CASK: variants seen among roughly 807,000 people sequenced by gnomAD.
CASK encodes peripheral plasma membrane protein CASK.
In CASK, 4 loss-of-function variants were observed where a neutral mutation model predicts 82.9. The observed-to-expected ratio is 0.05, with a 90% CI of 0.02 to 0.11. The LOEUF (loss-of-function observed/expected upper bound fraction) is 0.11, where lower values mean the gene tolerates loss of function less well. CASK is among the 10% of genes least tolerant of loss of function. The pLI is 1.00. For synonymous variants in CASK, 259 were observed against 253.5 expected, an observed-to-expected ratio of 1.02 and a Z score of -0.20; for missense variants, 358 against 720.9, an observed-to-expected ratio of 0.50 and a Z score of 5.76.
intron 2 of CASK, among the ~76,000 whole-genome samples, chrX:41,823,925 A>C (rs185803142): frequency 8.9e-6 from 1 of 111,990 alleles, no homozygotes; most frequent in African/African-American, 3.2e-5. Flanking sequence ...CAAAACGATG[A>C]AGATTTTCAA....
At chrX:41,522,134 CCT>C (rs746237400) in intron 26 of CASK, 2 of 111,699 alleles carry the variant, frequency 1.8e-5, no homozygotes, top group African/African-American at 3.3e-5. Flanking sequence ...CTCTAAAGCC[CCT>C]CTGTTATTGG....
At chrX:41,646,687 A>C (rs1246208302) in intron 8 of CASK, among the ~76,000 whole-genome samples, 1 of 111,532 alleles carries the variant, frequency 9.0e-6, no homozygotes, top group Admixed American at 9.6e-5. Flanking sequence ...TGCTTTACTT[A>C]CCTCCAACCT....
At chrX:41,808,711 T>C (rs769846020) in intron 2 of CASK, among the ~76,000 whole-genome samples, 1 of 112,089 alleles carries the variant, frequency 8.9e-6, no homozygotes, top group South Asian at 3.8e-4. Context: ...CTGGGGCTTG[T>C]CGGACAGTGG....
intron 2 of CASK, among the ~76,000 whole-genome samples, chrX:41,828,077 A>G (rs760174548): frequency 9.0e-6 from 1 of 111,590 alleles, no homozygotes; most frequent in Non-Finnish European, 1.9e-5. Flanking sequence ...CCATGAGGAC[A>G]GTATCATTCT....
chrX:41,553,991 C>T, intron 20 of CASK, 76 bp from the exon 21 acceptor site: 1 of 713,385 alleles, frequency 1.4e-6, no homozygotes, highest in East Asian at 3.3e-5. Context: ...CATAACCACA[C>T]ACCAACAGTT....
At chrX:41,704,959 T>C (rs1271312066) in intron 5 of CASK, among the ~76,000 whole-genome samples, 3 of 111,683 alleles carry the variant, frequency 2.7e-5, no homozygotes, top group African/African-American at 9.8e-5. Flanking sequence ...ACATGCAATA[T>C]ATGGTATCTA....
intron 14 of CASK, chrX:41,585,212 A>G (rs2065638972): frequency 1.8e-5 from 2 of 112,989 alleles, no homozygotes; most frequent in African/African-American, 6.4e-5. Flanking sequence ...GTGTTTATAC[A>G]CCTAGGTTGT....
rs940830809 is a variant in CASK, at chrX:41,839,885, T to C, written c.172+13230A>G. ...CTTTGTCAAAGATCTATTGACAATA[T>C]TTGTGTGGATCTACTTCTAGGGTCT... On this transcript the variant is annotated intron_variant, in intron 2 of 26. Coordinates refer to ENST00000378163, the MANE Select transcript of CASK (RefSeq NM_001367721.1). Among the ~76,000 whole-genome samples, 12 of 111,939 alleles carry C rather than the reference T, an allele frequency of 1.1e-4. No individual in the cohort carries two copies. The Admixed American group carries it at 1.1e-3, about 11-fold the overall frequency.
chrX:41,605,870 G>C (rs1339492626), intron 12 of CASK, among the ~76,000 whole-genome samples: 1 of 110,467 alleles, frequency 9.1e-6, no homozygotes, highest in Non-Finnish European at 1.9e-5. Context: ...GTAAAGACAG[G>C]GTTTTACCAT....
At chrX:41,814,066 T>C (rs1200771950) in intron 2 of CASK, among the ~76,000 whole-genome samples, 1 of 112,056 alleles carries the variant, frequency 8.9e-6, no homozygotes, top group Non-Finnish European at 1.9e-5. Flanking sequence ...CCAGTTAGAA[T>C]GGCAATCATT....
At chrX:41,884,732 T>C (rs1358519359) in intron 1 of CASK, among the ~76,000 whole-genome samples, 1 of 111,351 alleles carries the variant, frequency 9.0e-6, no homozygotes, top group Non-Finnish European at 1.9e-5. Context: ...ACCATTTTGC[T>C]CCTCCCTGTC....
At chrX:41,706,715 G>A (rs868599253) in intron 5 of CASK, among the ~76,000 whole-genome samples, 3 of 111,582 alleles carry the variant, frequency 2.7e-5, no homozygotes, top group Admixed American at 1.9e-4. Flanking sequence ...GCAGTGGCAC[G>A]ATCATAGTTC....
At chrX:41,664,684 G>A (rs1455661605) in intron 7 of CASK, among the ~76,000 whole-genome samples, 2 of 111,842 alleles carry the variant, frequency 1.8e-5, no homozygotes, top group Non-Finnish European at 3.8e-5. Flanking sequence ...TTGTGATATC[G>A]CTATTCATAA....
intron 22 of CASK, among the ~76,000 whole-genome samples, chrX:41,537,882 C>T (rs2064897073): frequency 9.3e-6 from 1 of 107,246 alleles, no homozygotes; most frequent in Admixed American, 1.0e-4. Context: ...CGCTCCTTCA[C>T]CCAGGCTGGA....
chrX:41,535,904 C>A (rs1443935122), intron 22 of CASK, among the ~76,000 whole-genome samples: 1 of 112,074 alleles, frequency 8.9e-6, no homozygotes, highest in East Asian at 2.8e-4. Context: ...CCAATTCTCA[C>A]ACACATTTGG....
At chrX:41,520,752 T>C (rs7065334) in intron 26 of CASK, among the ~76,000 whole-genome samples, 156 bp from the exon 27 acceptor site, 1 of 111,884 alleles carries the variant, frequency 8.9e-6, no homozygotes, top group South Asian at 3.7e-4. Context: ...TATGCCAGCA[T>C]GAGGCCAAGT....
At chrX:41,811,256 C>T (rs1338213382) in intron 2 of CASK, among the ~76,000 whole-genome samples, 4 of 112,132 alleles carry the variant, frequency 3.6e-5, no homozygotes. Context: ...CAGAACTCTC[C>T]ACCCCAAATC....
chrX:41,917,921 T>C (rs753997091), intron 1 of CASK, among the ~76,000 whole-genome samples: 3 of 111,945 alleles, frequency 2.7e-5, no homozygotes, highest in East Asian at 5.6e-4. Context: ...TTTTCCTCTG[T>C]AGAAGTACAG....
At chrX:41,700,778 C>T (rs1291531869) in intron 5 of CASK, among the ~76,000 whole-genome samples, 4 of 106,376 alleles carry the variant, frequency 3.8e-5, no homozygotes, top group African/African-American at 3.4e-5. Flanking sequence ...CAGGGTTTTG[C>T]CATGTTGGCC....
Sources: gnomAD v4.1 joint callset for allele counts (sites outside exome capture counted in the v4.1 genomes callset) on GRCh38, gnomAD v4.1.1 for gene constraint, MANE v1.5 for transcripts, NCBI Gene and HGNC (gene_info 2026-07-23, HGNC 2026-07-21) for gene names.